Variants in RHBDD1 observed in about 807,000 individuals in gnomAD.
RHBDD1 encodes the protein rhomboid domain containing 1.
Under a neutral mutation model 36.3 loss-of-function variants are expected in RHBDD1, and 38 were observed. The observed-to-expected ratio is 1.05, with a 90% CI of 0.81 to 1.37. The LOEUF is 1.37. RHBDD1 is among the 40% of genes most tolerant of loss of function. RHBDD1 has a pLI of 0.00. For synonymous variants in RHBDD1, 151 were observed against 136.5 expected (o/e 1.11, Z -0.74); for missense variants, 393 against 377.6 (o/e 1.04, Z -0.34).
At chr2:226,830,487 T>C in the RHBDD1 span, among the ~76,000 whole-genome samples, 1 of 152,198 alleles carries the variant, frequency 6.6e-6, no homozygotes, top group African/African-American at 2.4e-5. Flanking sequence ...AGCTTATTAA[T>C]ATGGTGTTTT....
intron 3 of RHBDD1, among the ~76,000 whole-genome samples, chr2:226,849,063 C>T (rs951737915): frequency 3.9e-5 from 6 of 152,096 alleles, no homozygotes; most frequent in African/African-American, 1.4e-4. Context: ...TTACTGTATG[C>T]CTGGCATTAT....
intron 8 of RHBDD1, among the ~76,000 whole-genome samples, chr2:226,952,140 T>A (rs2149222704): frequency 6.6e-6 from 1 of 152,248 alleles, no homozygotes; most frequent in East Asian, 1.9e-4. Context: ...GCTCCCCAGG[T>A]GATACTAACA....
chr2:226,916,043 C>T (rs549491561), intron 8 of RHBDD1, among the ~76,000 whole-genome samples: 28 of 152,336 alleles, frequency 1.8e-4, no homozygotes, highest in Non-Finnish European at 3.2e-4. Context: ...ATTCCTCAGC[C>T]AGCAGGCTAG....
At chr2:226,915,222 C>A (rs1948815735) in intron 8 of RHBDD1, among the ~76,000 whole-genome samples, 1 of 152,084 alleles carries the variant, frequency 6.6e-6, no homozygotes, top group African/African-American at 2.4e-5. Context: ...ATCAGATTTT[C>A]ACAGAGGAGA....
At chr2:226,943,541 AT>A (rs1398071302) in intron 8 of RHBDD1, among the ~76,000 whole-genome samples, 28 of 152,204 alleles carry the variant, frequency 1.8e-4, no homozygotes, top group Non-Finnish European at 7.3e-5. Flanking sequence ...GCCCATGGAC[AT>A]TACAGGAGAT....
At chr2:226,903,788 C>G (rs1039777942) in intron 5 of RHBDD1, among the ~76,000 whole-genome samples, 21 of 152,266 alleles carry the variant, frequency 1.4e-4, no homozygotes, top group African/African-American at 4.6e-4. Flanking sequence ...CACCACACCC[C>G]CCTCTCCTGT....
the RHBDD1 span, among the ~76,000 whole-genome samples, chr2:226,805,571 G>A: frequency 6.6e-6 from 1 of 152,216 alleles, no homozygotes; most frequent in Non-Finnish European, 1.5e-5. Flanking sequence ...TGCTTAGAAA[G>A]ATTTGCAGAC....
At chr2:226,899,129 A>G (rs1177324504) in intron 5 of RHBDD1, among the ~76,000 whole-genome samples, 1 of 152,236 alleles carries the variant, frequency 6.6e-6, no homozygotes, top group Non-Finnish European at 1.5e-5. Flanking sequence ...ACAGTGGCAC[A>G]TGAGAGCAGG....
At chr2:226,939,215 G>T (rs1950523947) in intron 8 of RHBDD1, among the ~76,000 whole-genome samples, 1 of 152,134 alleles carries the variant, frequency 6.6e-6, no homozygotes, top group Non-Finnish European at 1.5e-5. Flanking sequence ...TTGAAAACTG[G>T]CACAAGACAA....
intron 3 of RHBDD1, among the ~76,000 whole-genome samples, chr2:226,854,787 G>C (rs1165987992): frequency 6.6e-6 from 1 of 152,070 alleles, no homozygotes; most frequent in Non-Finnish European, 1.5e-5. Flanking sequence ...ATACTATGCA[G>C]TGTTTTAACC....
chr2:226,874,663 G>A (rs553226059), intron 5 of RHBDD1, among the ~76,000 whole-genome samples: 59 of 152,254 alleles, frequency 3.9e-4, no homozygotes, highest in African/African-American at 1.4e-3. Flanking sequence ...GCATTTAGGA[G>A]TCACCCTGGT....
intron 3 of RHBDD1, among the ~76,000 whole-genome samples, chr2:226,850,921 CGT>C (rs1040994064): frequency 2.9e-4 from 44 of 152,220 alleles, no homozygotes; most frequent in African/African-American, 9.1e-4. Flanking sequence ...AACTCTATTA[CGT>C]GTGTTTTTCT....
rs762249683 is a variant in RHBDD1 at position 226,908,839 on chromosome 2, G to A, written c.673G>A (p.Val225Ile). The A allele has an allele frequency of 6.2e-6, 10 of 1,608,172 alleles. No individual in the cohort carries two copies. The South Asian group carries it at 1.1e-4, about 18-fold the overall frequency. The change falls in exon 7 of 9, where the codon GTT becomes ATT. Residue 225 changes from valine (V) to isoleucine (I), a missense_variant. Transcript: ENST00000392062. ...EACAGGFSSS[V>I]GYPGRQYYFN... The stretch of plus-strand genomic sequence containing the variant: ...ACGTTTAGGCGGTTTTTCCTCCAGT[G>A]TTGGTTACCCAGGACGGCAATACTA...
At chr2:226,983,535 A>T (rs1427288541) in intron 8 of RHBDD1, among the ~76,000 whole-genome samples, 3 of 152,118 alleles carry the variant, frequency 2.0e-5, no homozygotes, top group Non-Finnish European at 4.4e-5. Flanking sequence ...GGGTGACCTA[A>T]ACTTGACCAC....
At chr2:226,889,448 G>T (rs1946505104) in intron 5 of RHBDD1, among the ~76,000 whole-genome samples, 1 of 152,148 alleles carries the variant, frequency 6.6e-6, no homozygotes, top group East Asian at 1.9e-4. Context: ...GGTTGAAGGG[G>T]AAAAGGATAA....
At chr2:226,940,217 G>C (rs1440564783) in intron 8 of RHBDD1, among the ~76,000 whole-genome samples, 1 of 152,102 alleles carries the variant, frequency 6.6e-6, no homozygotes, top group Non-Finnish European at 1.5e-5. Flanking sequence ...CAATACCTCA[G>C]GCAGTACCAT....
chr2:226,860,692 C>T (rs1943774708), intron 3 of RHBDD1, among the ~76,000 whole-genome samples: 1 of 152,144 alleles, frequency 6.6e-6, no homozygotes, highest in South Asian at 2.1e-4. Flanking sequence ...TGAACTAGGA[C>T]TGATTGGTCT....
intron 8 of RHBDD1, among the ~76,000 whole-genome samples, chr2:226,916,569 A>G (rs1948923638): frequency 6.6e-6 from 1 of 152,214 alleles, no homozygotes; most frequent in Admixed American, 6.5e-5. Flanking sequence ...AAAGAGCCAA[A>G]GAACACAGCA....
intron 8 of RHBDD1, among the ~76,000 whole-genome samples, chr2:226,965,839 T>G (rs922187148): frequency 1.3e-5 from 2 of 151,800 alleles, no homozygotes; most frequent in African/African-American, 4.8e-5. Context: ...TAGAGAGGAC[T>G]TACAGCATAG....
Sources: allele counts gnomAD v4.1 joint callset (sites outside exome capture counted in the v4.1 genomes callset), GRCh38; gene constraint gnomAD v4.1.1; transcripts MANE v1.5; gene names NCBI Gene and HGNC (gene_info 2026-07-23, HGNC 2026-07-21).